PATJ: variants seen among roughly 807,000 people sequenced by gnomAD.
PATJ encodes the protein PATJ crumbs cell polarity complex component, also known as inaD-like protein.
In PATJ, 190 loss-of-function variants were observed where a neutral mutation model predicts 224.9. That is an observed-to-expected ratio of 0.84 (90% CI 0.75 to 0.95). The LOEUF (loss-of-function observed/expected upper bound fraction) is 0.95. Ranked by LOEUF, PATJ falls within the 40% of genes least tolerant of loss-of-function variation. The probability of loss-of-function intolerance (pLI) is 0.00; values close to 1 mark genes in which losing one functional copy is unlikely to be tolerated. For synonymous variants in PATJ, 769 were observed against 820.3 expected (o/e 0.94, Z 1.07); for missense variants, 2,121 against 2,270.3 (o/e 0.93, Z 1.34).
At chr1:61,869,576 T>C (rs969489784) in intron 20 of PATJ, among the ~76,000 whole-genome samples, 1 of 152,200 alleles carries the variant, frequency 6.6e-6, no homozygotes, top group South Asian at 2.1e-4. Flanking sequence ...GAAGGCTTTT[T>C]TCTGCATCTG....
At chr1:62,067,938 C>T (rs1656756775) in intron 31 of PATJ, among the ~76,000 whole-genome samples, 1 of 152,096 alleles carries the variant, frequency 6.6e-6, no homozygotes, top group African/African-American at 2.4e-5. Context: ...GTAGCTGGGA[C>T]CACAGGTGTG....
At chr1:61,975,011 C>G (rs752285603) in intron 27 of PATJ, among the ~76,000 whole-genome samples, 1 of 152,036 alleles carries the variant, frequency 6.6e-6, no homozygotes, top group Non-Finnish European at 1.5e-5. Flanking sequence ...GTGGCATAAT[C>G]TTGGCTTTCT....
chr1:62,041,648 T>C (rs1405484497), intron 30 of PATJ, among the ~76,000 whole-genome samples: 1 of 152,212 alleles, frequency 6.6e-6, no homozygotes, highest in African/African-American at 2.4e-5. Flanking sequence ...TTTCAAAGAA[T>C]AGCTGTTCTG....
At chr1:62,062,473 T>C (rs1278935467) in intron 31 of PATJ, among the ~76,000 whole-genome samples, 1 of 127,768 alleles carries the variant, frequency 7.8e-6, no homozygotes, top group Admixed American at 8.5e-5. Flanking sequence ...AGTGGTGTGG[T>C]CATAGCCCAC....
At chr1:61,772,267 A>T (rs1221720544) in intron 6 of PATJ, among the ~76,000 whole-genome samples, 1 of 151,934 alleles carries the variant, frequency 6.6e-6, no homozygotes, top group African/African-American at 2.4e-5. Flanking sequence ...TTTATTAGAG[A>T]TTTACTGTTG....
intron 20 of PATJ, among the ~76,000 whole-genome samples, chr1:61,869,562 C>A (rs1571001273): frequency 6.6e-6 from 1 of 152,084 alleles, no homozygotes; most frequent in South Asian, 2.1e-4. Flanking sequence ...AAGGGAAGCT[C>A]TGAGAAGGCT....
At position 62,043,939 on chromosome 1, in the gene PATJ, G is replaced by C. The variant is rs370896901; in HGVS notation, c.4032+5890G>C. On this transcript the variant is annotated intron_variant, in intron 30 of 43. Transcript: ENST00000642238. The stretch of plus-strand genomic sequence containing the variant: ...GACAGAATCTCACTATGTTGCCCAT[G>C]CCCAGTCTGCTGGGCTCGAGAGATC... 1.8e-4 allele frequency among the ~76,000 whole-genome samples: 27 copies of C among 152,136 alleles called. No homozygotes were observed. The East Asian group carries it at 4.1e-3, about 23-fold the overall frequency.
intron 32 of PATJ, among the ~76,000 whole-genome samples, chr1:62,082,440 ACT>A (rs1029003226): frequency 6.6e-6 from 1 of 152,186 alleles, no homozygotes; most frequent in Non-Finnish European, 1.5e-5. Flanking sequence ...TAGGAACTCA[ACT>A]GTGGCTCTGT....
At chr1:61,855,272 A>C (rs1663470462) in intron 17 of PATJ, among the ~76,000 whole-genome samples, 1 of 152,208 alleles carries the variant, frequency 6.6e-6, no homozygotes, top group Non-Finnish European at 1.5e-5. Flanking sequence ...CAGACCTCGT[A>C]TGGTCCAGCC....
At position 62,048,490 on chromosome 1, in the gene PATJ, A is replaced by G. The variant is rs536561849; in HGVS notation, c.4033-2476A>G. ...GAACCCAGGAGGCAGAAGTTGCAGT[A>G]AGCCGAGATCGTGCCACTGCATTCT... On this transcript the variant is annotated intron_variant, in intron 30 of 43. Transcript: ENST00000642238. Among the ~76,000 whole-genome samples the G allele has an allele frequency of 9.8e-4, 143 of 146,520 alleles. 2 individuals carry two copies. The highest frequency in any genetic ancestry group is 3.4e-3 in the African/African-American group (135 of 40,282).
At chr1:61,918,989 A>G (rs1673878558) in intron 26 of PATJ, among the ~76,000 whole-genome samples, 2 of 152,294 alleles carry the variant, frequency 1.3e-5, no homozygotes, top group African/African-American at 4.8e-5. Context: ...AAAATAAAAT[A>G]AAACAAATAA....
chr1:61,874,437 T>C (rs944937428), intron 20 of PATJ, among the ~76,000 whole-genome samples: 2 of 152,084 alleles, frequency 1.3e-5, no homozygotes, highest in African/African-American at 4.8e-5. Flanking sequence ...GTTCAAGTGA[T>C]CCACCTGCCT....
At chr1:61,914,499 C>A in intron 25 of PATJ, 88 bp from the exon 26 acceptor site, 2 of 605,726 alleles carry the variant, frequency 3.3e-6, no homozygotes, top group African/African-American at 1.9e-5. Context: ...AAAAAAAATT[C>A]TCCATTGTGG....
Position 61,884,375 on chromosome 1 carries a change from G to A in PATJ, c.3098G>A (p.Gly1033Glu). Residue 1033 changes from glycine (G) to glutamate (E), a missense_variant, in exon 22 of 44, where the codon GGA (glycine) becomes GAA (glutamate). Coordinates refer to ENST00000642238, the MANE Select transcript of PATJ (RefSeq NM_001350145.3). Reference protein sequence around the residue: ...RVISKASAYTGMLSSRYATDT... With the variant: ...RVISKASAYTEMLSSRYATDT... The stretch of plus-strand genomic sequence containing the variant: ...ATTTCCAAGGCCTCAGCATACACAG[G>A]AATGTTGTCTTCTAGATATGCCACT... 3 of 1,606,796 alleles carry A rather than the reference G, an allele frequency of 1.9e-6. No homozygotes were observed. The highest frequency in any genetic ancestry group is 2.5e-6 in the Non-Finnish European group (3 of 1,176,966).
At chr1:61,919,045 A>G (rs1228178348) in intron 26 of PATJ, among the ~76,000 whole-genome samples, 2 of 152,156 alleles carry the variant, frequency 1.3e-5, no homozygotes, top group Non-Finnish European at 2.9e-5. Context: ...ATTATTTGCT[A>G]TATCTTTTTC....
At chr1:62,116,366 C>G (rs1169347724) in intron 35 of PATJ, among the ~76,000 whole-genome samples, 166 bp from the exon 36 acceptor site, 1 of 151,968 alleles carries the variant, frequency 6.6e-6, no homozygotes, top group Non-Finnish European at 1.5e-5. Context: ...TGAGGAAGCT[C>G]CAAGTGCTGA....
At chr1:61,959,434 C>CTTT (rs1367332894) in intron 27 of PATJ, among the ~76,000 whole-genome samples, 23 of 115,972 alleles carry the variant, frequency 2.0e-4, no homozygotes, top group African/African-American at 7.8e-4. Context: ...TATTTTTTTT[C>CTTT]TTTTCTTTTT....
At chr1:61,834,227 T>C (rs185751855) in intron 17 of PATJ, among the ~76,000 whole-genome samples, 7 of 152,310 alleles carry the variant, frequency 4.6e-5, no homozygotes, top group Non-Finnish European at 1.0e-4. Context: ...CCATACACAT[T>C]AGCATTCGTT....
chr1:62,084,289 T>C (rs1659662645), intron 32 of PATJ, among the ~76,000 whole-genome samples: 1 of 152,076 alleles, frequency 6.6e-6, no homozygotes, highest in Non-Finnish European at 1.5e-5. Context: ...TTTAAAACTT[T>C]CAAGTAAAAT....
Sources: gnomAD v4.1 joint callset for allele counts (sites outside exome capture counted in the v4.1 genomes callset) on GRCh38, gnomAD v4.1.1 for gene constraint, MANE v1.5 for transcripts, NCBI Gene and HGNC (gene_info 2026-07-23, HGNC 2026-07-21) for gene names.